Variants in ASPH observed in about 807,000 individuals in gnomAD.
The protein encoded by ASPH is aspartate beta-hydroxylase, also known as aspartyl/asparaginyl beta-hydroxylase.
ASPH carries 100 observed loss-of-function variants against 118.4 expected under a neutral mutation model. That is an observed-to-expected ratio of 0.84 (90% CI 0.72 to 1.00). The LOEUF (loss-of-function observed/expected upper bound fraction) is 1.00, where lower values mean the gene tolerates loss of function less well. ASPH is among the 50% of genes least tolerant of loss of function. ASPH has a pLI of 0.00. For synonymous variants in ASPH, 315 were observed against 325.6 expected (o/e 0.97, Z 0.35); for missense variants, 920 against 919.5 (o/e 1.00, Z -0.01).
chr8:61,527,179 T>A (rs945318160), intron 21 of ASPH, among the ~76,000 whole-genome samples: 1 of 152,206 alleles, frequency 6.6e-6, no homozygotes, highest in Non-Finnish European at 1.5e-5. Flanking sequence ...CAGATTTTTA[T>A]GGAAAAATGG....
chr8:61,611,281 T>G (rs966602114), intron 14 of ASPH, among the ~76,000 whole-genome samples: 3 of 152,254 alleles, frequency 2.0e-5, no homozygotes, highest in African/African-American at 7.2e-5. Flanking sequence ...TCTTGTATAC[T>G]CTCATAATGC....
intron 5 of ASPH, among the ~76,000 whole-genome samples, chr8:61,648,487 C>T (rs1379127069): frequency 6.6e-6 from 1 of 152,194 alleles, no homozygotes. Flanking sequence ...TGAATTTCTG[C>T]TACAAATTTT....
At chr8:61,572,272 G>C (rs1833683865) in intron 16 of ASPH, among the ~76,000 whole-genome samples, 1 of 152,090 alleles carries the variant, frequency 6.6e-6, no homozygotes, top group Non-Finnish European at 1.5e-5. Flanking sequence ...TCTGCACTCT[G>C]AATCTACCAT....
chr8:61,712,913 T>C (rs1166349695), intron 1 of ASPH, among the ~76,000 whole-genome samples: 1 of 152,258 alleles, frequency 6.6e-6, no homozygotes, highest in Admixed American at 6.5e-5. Flanking sequence ...GTTCATCAGC[T>C]TTCTCTGCTT....
At chr8:61,573,621 C>T (rs13250260) in intron 16 of ASPH, among the ~76,000 whole-genome samples, 6 of 151,956 alleles carry the variant, frequency 3.9e-5, no homozygotes, top group Non-Finnish European at 5.9e-5. Flanking sequence ...GGAAAGGATT[C>T]CCTATTTAAT....
intron 3 of ASPH, among the ~76,000 whole-genome samples, chr8:61,668,803 A>G (rs1447138761): frequency 6.6e-6 from 1 of 152,240 alleles, no homozygotes; most frequent in Non-Finnish European, 1.5e-5. Flanking sequence ...TATTATGTAC[A>G]TACATTTTAC....
At chr8:61,610,005 T>C (rs913549548) in intron 14 of ASPH, among the ~76,000 whole-genome samples, 19 of 152,210 alleles carry the variant, frequency 1.2e-4, no homozygotes, top group Non-Finnish European at 1.0e-4. Flanking sequence ...ATGAAGTGCA[T>C]TGCCTGATTT....
intron 21 of ASPH, among the ~76,000 whole-genome samples, chr8:61,540,686 C>A (rs1441723775): frequency 4.6e-5 from 7 of 152,092 alleles, no homozygotes; most frequent in Non-Finnish European, 8.8e-5. Context: ...TACAGAAATT[C>A]AACCAAAGGG....
intron 18 of ASPH, among the ~76,000 whole-genome samples, chr8:61,559,951 A>T (rs1587102742): frequency 7.0e-6 from 1 of 143,770 alleles, no homozygotes; most frequent in East Asian, 2.1e-4. Context: ...TGGGGGGGGG[A>T]GCAAGCTAGG....
intron 13 of ASPH, among the ~76,000 whole-genome samples, chr8:61,619,343 G>A (rs756601976): frequency 6.6e-6 from 1 of 152,178 alleles, no homozygotes; most frequent in Non-Finnish European, 1.5e-5. Flanking sequence ...ACAAAGACAT[G>A]TGGATGGGGA....
chr8:61,663,690 T>C (rs111394591), intron 3 of ASPH: 28,546 of 979,782 alleles, frequency 0.029, 488 homozygotes, highest in South Asian at 0.043. Flanking sequence ...CTCGAAGTTA[T>C]CAGGTTACAA....
rs150593398 is a variant in ASPH at position 61,664,170 on chromosome 8, T to C, written c.323-10510A>G. ...AGAATAGTACAAACCATTTGTAGAATTAATTTCTCACTAAAACTTCACTTT... is the reference window on the plus strand; with the variant it reads ...AGAATAGTACAAACCATTTGTAGAACTAATTTCTCACTAAAACTTCACTTT... On this transcript the variant is annotated intron_variant, in intron 3 of 24. Coordinates refer to ENST00000379454, the MANE Select transcript of ASPH (RefSeq NM_004318.4). 329 of 967,526 alleles carry C rather than the reference T, an allele frequency of 3.4e-4. 1 individual carries two copies. The African/African-American group carries it at 5.4e-3, about 16-fold the overall frequency. 59.9% of individuals were successfully genotyped at this position (967,526 alleles called of 1,614,324 possible).
chr8:61,504,588 T>C (rs1229567327), intron 24 of ASPH, among the ~76,000 whole-genome samples: 2 of 152,180 alleles, frequency 1.3e-5, no homozygotes, highest in Non-Finnish European at 2.9e-5. Context: ...ACTACTGACA[T>C]CTAGGCTGGA....
chr8:61,554,172 C>T (rs1474519785), intron 19 of ASPH, among the ~76,000 whole-genome samples: 2 of 152,224 alleles, frequency 1.3e-5, no homozygotes, highest in African/African-American at 2.4e-5. Context: ...CCCACAGGGC[C>T]CTGGCAGGAA....
chr8:61,576,916 A>C (rs1001441095), intron 15 of ASPH, 58 bp from the exon 16 acceptor site: 2 of 1,389,502 alleles, frequency 1.4e-6, no homozygotes, highest in Non-Finnish European at 2.0e-6. Flanking sequence ...ATCAATCAAT[A>C]TTGTTATTTA....
chr8:61,675,929 A>G (rs1825069849), intron 3 of ASPH: 5 of 1,489,490 alleles, frequency 3.4e-6, no homozygotes, highest in Non-Finnish European at 4.4e-6. Flanking sequence ...TAGTAGCTGT[A>G]CTGGGCAAGA....
At chr8:61,579,442 A>C in intron 15 of ASPH, 1 of 1,610,870 alleles carries the variant, frequency 6.2e-7, no homozygotes, top group Admixed American at 1.7e-5. Context: ...GGGATGCAGA[A>C]CATGAGTATT....
chr8:61,613,581 G>C (rs574780684), intron 14 of ASPH, among the ~76,000 whole-genome samples: 18 of 152,272 alleles, frequency 1.2e-4, no homozygotes, highest in African/African-American at 4.1e-4. Flanking sequence ...TAAGCACAAG[G>C]CATCTTGGGA....
At chr8:61,708,862 C>A (rs1007232422) in intron 1 of ASPH, among the ~76,000 whole-genome samples, 4 of 150,926 alleles carry the variant, frequency 2.7e-5, no homozygotes, top group African/African-American at 9.8e-5. Context: ...TGGACAGCAA[C>A]CACTCCCACC....
Sources: gnomAD v4.1 joint callset for allele counts (sites outside exome capture counted in the v4.1 genomes callset) on GRCh38, gnomAD v4.1.1 for gene constraint, MANE v1.5 for transcripts, NCBI Gene and HGNC (gene_info 2026-07-23, HGNC 2026-07-21) for gene names.